CSMD1: variants seen among roughly 807,000 people sequenced by gnomAD.
CSMD1 encodes CUB and Sushi multiple domains 1.
Under a neutral mutation model 417.5 loss-of-function variants are expected in CSMD1, and 213 were observed. The ratio of observed to expected loss-of-function variants is 0.51; its 90% confidence interval spans 0.46 to 0.57. The LOEUF (loss-of-function observed/expected upper bound fraction) is 0.57. Among genes scored for constraint, CSMD1 ranks in the 20% least tolerant of loss-of-function variants. The pLI is 0.00. For synonymous variants in CSMD1, 2,862 were observed against 1,736.8 expected (o/e 1.65, Z -16.11); for missense variants, 6,923 against 4,529.7 (o/e 1.53, Z -15.17).
chr8:3,863,672 T>C (rs1469450680), intron 5 of CSMD1, among the ~76,000 whole-genome samples: 1 of 152,158 alleles, frequency 6.6e-6, no homozygotes, highest in Non-Finnish European at 1.5e-5. Context: ...CACACACACA[T>C]TTCTCATATA....
chr8:3,550,673 A>G (rs555789548), intron 10 of CSMD1, among the ~76,000 whole-genome samples: 20 of 152,250 alleles, frequency 1.3e-4, no homozygotes, highest in African/African-American at 4.6e-4. Flanking sequence ...CTTAGCTGCT[A>G]TGACACCTGA....
intron 3 of CSMD1, among the ~76,000 whole-genome samples, chr8:4,174,035 G>C (rs967617621): frequency 1.3e-5 from 2 of 152,152 alleles, no homozygotes; most frequent in Non-Finnish European, 2.9e-5. Flanking sequence ...GGAATGCCCT[G>C]AGTTCATTGG....
At chr8:3,681,412 C>G (rs1360515156) in intron 7 of CSMD1, among the ~76,000 whole-genome samples, 24 of 152,074 alleles carry the variant, frequency 1.6e-4, no homozygotes, top group South Asian at 2.1e-4. Flanking sequence ...AACAGAGAGC[C>G]AAATCATGAG....
chr8:3,249,376 C>A (rs568311021), intron 26 of CSMD1, among the ~76,000 whole-genome samples: 2 of 152,094 alleles, frequency 1.3e-5, no homozygotes, highest in Admixed American at 1.3e-4. Flanking sequence ...GCGCCCACCA[C>A]CACGCTCGGC....
chr8:3,781,653 G>A (rs1024076226), intron 5 of CSMD1, among the ~76,000 whole-genome samples: 2 of 152,198 alleles, frequency 1.3e-5, no homozygotes, highest in Non-Finnish European at 2.9e-5. Flanking sequence ...TCCCTGTGAT[G>A]TGAATGGCAG....
intron 3 of CSMD1, among the ~76,000 whole-genome samples, chr8:4,238,110 A>C (rs929633126): frequency 7.2e-5 from 11 of 152,110 alleles, no homozygotes; most frequent in African/African-American, 2.7e-4. Flanking sequence ...CAATTTTTTC[A>C]GTCATGTCTG....
intron 3 of CSMD1, among the ~76,000 whole-genome samples, chr8:4,377,195 T>C (rs1802805619): frequency 6.6e-6 from 1 of 152,174 alleles, no homozygotes; most frequent in Admixed American, 6.5e-5. Flanking sequence ...TACACATCTT[T>C]TGGAAGGGCT....
At chr8:3,437,619 C>G (rs1585163671) in intron 12 of CSMD1, among the ~76,000 whole-genome samples, 1 of 152,164 alleles carries the variant, frequency 6.6e-6, no homozygotes, top group African/African-American at 2.4e-5. Context: ...AGATTCTCTT[C>G]TTTACATAGA....
intron 1 of CSMD1, among the ~76,000 whole-genome samples, chr8:4,779,033 T>C (rs964493430): frequency 6.6e-6 from 1 of 152,226 alleles, no homozygotes; most frequent in Non-Finnish European, 1.5e-5. Flanking sequence ...TGATATATCT[T>C]AATCAACATT....
intron 8 of CSMD1, among the ~76,000 whole-genome samples, chr8:3,586,644 T>C (rs1007684380): frequency 5.3e-5 from 8 of 152,156 alleles, no homozygotes; most frequent in Non-Finnish European, 1.2e-4. Flanking sequence ...CGTGAATAAA[T>C]ATTTTACAAA....
chr8:2,947,289 G>A (rs1046355329), intron 68 of CSMD1, among the ~76,000 whole-genome samples: 1 of 152,142 alleles, frequency 6.6e-6, no homozygotes, highest in Non-Finnish European at 1.5e-5. Context: ...TCCACTTAAT[G>A]ACAATCACGT....
intron 5 of CSMD1, among the ~76,000 whole-genome samples, chr8:3,858,165 G>T (rs1479703555): frequency 6.6e-6 from 1 of 152,128 alleles, no homozygotes; most frequent in East Asian, 1.9e-4. Context: ...GAGGCTTTTT[G>T]TCAATTAAGT....
chr8:4,464,964 T>C (rs1048082153), intron 2 of CSMD1, among the ~76,000 whole-genome samples: 4 of 152,138 alleles, frequency 2.6e-5, no homozygotes, highest in Non-Finnish European at 2.9e-5. Context: ...CTCCCACTCA[T>C]GATGCCACCA....
chr8:4,573,334 C>T (rs931411675), intron 2 of CSMD1, among the ~76,000 whole-genome samples: 6 of 152,154 alleles, frequency 3.9e-5, no homozygotes, highest in African/African-American at 1.4e-4. Flanking sequence ...AATGTTGACG[C>T]TATTCCTCTC....
At chr8:3,153,833 A>G (rs1819348167) in intron 39 of CSMD1, among the ~76,000 whole-genome samples, 1 of 152,200 alleles carries the variant, frequency 6.6e-6, no homozygotes, top group South Asian at 2.1e-4. Context: ...ACATGCATCA[A>G]TCACCTAATT....
intron 3 of CSMD1, among the ~76,000 whole-genome samples, chr8:4,298,634 TCA>T (rs1797813026): frequency 6.6e-6 from 1 of 152,144 alleles, no homozygotes; most frequent in African/African-American, 2.4e-5. Context: ...TTATAGAACA[TCA>T]CAATTTAGTT....
intron 11 of CSMD1, among the ~76,000 whole-genome samples, chr8:3,489,569 A>G (rs1027757413): frequency 6.6e-6 from 1 of 152,198 alleles, no homozygotes; most frequent in Non-Finnish European, 1.5e-5. Context: ...ATTTGCAAAG[A>G]AAGTTACTTA....
chr8:3,971,566 A>G (rs1813091103), intron 5 of CSMD1, among the ~76,000 whole-genome samples: 1 of 152,198 alleles, frequency 6.6e-6, no homozygotes, highest in Non-Finnish European at 1.5e-5. Context: ...AAATTAAAAA[A>G]TTAATACCAT....
intron 2 of CSMD1, among the ~76,000 whole-genome samples, chr8:4,596,793 T>C (rs1482715355): frequency 6.6e-6 from 1 of 152,206 alleles, no homozygotes; most frequent in Admixed American, 6.5e-5. Context: ...CAACTTGAAT[T>C]CTATCTACCA....
Sources: gnomAD v4.1 joint callset for allele counts (sites outside exome capture counted in the v4.1 genomes callset) on GRCh38, gnomAD v4.1.1 for gene constraint, MANE v1.5 for transcripts, NCBI Gene and HGNC (gene_info 2026-07-23, HGNC 2026-07-21) for gene names.